Variants in PARD3B observed in about 807,000 individuals in gnomAD.
PARD3B encodes partitioning defective 3 homolog B.
In PARD3B, 103 loss-of-function variants were observed where a neutral mutation model predicts 130.2. The observed-to-expected ratio is 0.79, with a 90% CI of 0.67 to 0.93. The LOEUF (loss-of-function observed/expected upper bound fraction) is 0.93. PARD3B is among the 40% of genes least tolerant of loss of function. The pLI is 0.00. For synonymous variants in PARD3B, 583 were observed against 553.2 expected, an observed-to-expected ratio of 1.05 and a Z score of -0.76; for missense variants, 1,609 against 1,499.2, an observed-to-expected ratio of 1.07 and a Z score of -1.21.
At chr2:205,238,729 G>C (rs2039181315) in intron 15 of PARD3B, among the ~76,000 whole-genome samples, 1 of 149,048 alleles carries the variant, frequency 6.7e-6, no homozygotes, top group African/African-American at 2.5e-5. Context: ...ATACTTGGGA[G>C]GCTGAGGCAG....
intron 2 of PARD3B, among the ~76,000 whole-genome samples, chr2:204,951,764 AAAGC>A (rs1266305364): frequency 6.6e-6 from 1 of 152,222 alleles, no homozygotes; most frequent in Non-Finnish European, 1.5e-5. Context: ...ATGTGGTTAG[AAAGC>A]AAGCAGTCAT....
chr2:204,546,840 A>G (rs1217363663), intron 1 of PARD3B, among the ~76,000 whole-genome samples: 1 of 152,248 alleles, frequency 6.6e-6, no homozygotes, highest in Non-Finnish European at 1.5e-5. Flanking sequence ...ACAAGTATAA[A>G]TTAAGTGACA....
At chr2:204,641,831 G>A (rs987140262) in intron 1 of PARD3B, among the ~76,000 whole-genome samples, 2 of 152,154 alleles carry the variant, frequency 1.3e-5, no homozygotes, top group African/African-American at 4.8e-5. Flanking sequence ...AGAAATCAGT[G>A]TCTATTGTAC....
intron 19 of PARD3B, among the ~76,000 whole-genome samples, chr2:205,420,705 C>T (rs1003016330): frequency 3.3e-5 from 5 of 152,156 alleles, no homozygotes; most frequent in African/African-American, 1.2e-4. Context: ...GGGATGAATG[C>T]ATATTGGAAT....
intron 2 of PARD3B, among the ~76,000 whole-genome samples, chr2:204,947,988 T>C (rs1249870111): frequency 6.6e-6 from 1 of 152,232 alleles, no homozygotes; most frequent in Non-Finnish European, 1.5e-5. Flanking sequence ...GTATCAGGTC[T>C]CTACAGGTGT....
chr2:205,120,839 T>G (rs2030616722), intron 7 of PARD3B, among the ~76,000 whole-genome samples: 1 of 152,176 alleles, frequency 6.6e-6, no homozygotes, highest in South Asian at 2.1e-4. Flanking sequence ...ACGCCTTCAT[T>G]TATATCTTCT....
chr2:205,468,268 G>A (rs772419569), intron 20 of PARD3B, among the ~76,000 whole-genome samples: 22 of 152,170 alleles, frequency 1.4e-4, no homozygotes, highest in Admixed American at 2.0e-4. Flanking sequence ...ATACCAGTGC[G>A]ATTCTCATTT....
At chr2:204,881,651 G>C (rs1448495736) in intron 2 of PARD3B, among the ~76,000 whole-genome samples, 1 of 152,204 alleles carries the variant, frequency 6.6e-6, no homozygotes, top group Non-Finnish European at 1.5e-5. Flanking sequence ...CTGAGAAAGG[G>C]CTTCTTTGAA....
chr2:205,316,796 G>T (rs938508232), intron 18 of PARD3B, among the ~76,000 whole-genome samples: 7 of 152,016 alleles, frequency 4.6e-5, no homozygotes, highest in African/African-American at 1.7e-4. Context: ...AGGTAAAATG[G>T]AGAAATCTCT....
At chr2:205,508,180 C>T (rs996356334) in intron 21 of PARD3B, among the ~76,000 whole-genome samples, 2 of 152,130 alleles carry the variant, frequency 1.3e-5, no homozygotes, top group Admixed American at 6.5e-5. Context: ...TAGAGTTGCT[C>T]TGTTTATATC....
chr2:205,003,629 T>C (rs1396536294), intron 3 of PARD3B, among the ~76,000 whole-genome samples: 1 of 152,220 alleles, frequency 6.6e-6, no homozygotes, highest in Admixed American at 6.5e-5. Context: ...CCATAGCACG[T>C]ATCCACATCT....
At chr2:205,567,611 C>T (rs931597982) in intron 22 of PARD3B, among the ~76,000 whole-genome samples, 1 of 151,470 alleles carries the variant, frequency 6.6e-6, no homozygotes. Context: ...CATGAGCCAC[C>T]GCGCCCGGCC....
At chr2:205,454,827 C>T (rs971398484) in intron 20 of PARD3B, among the ~76,000 whole-genome samples, 5 of 152,152 alleles carry the variant, frequency 3.3e-5, no homozygotes, top group South Asian at 4.2e-4. Flanking sequence ...TCAGGTCACA[C>T]GCACACTTAA....
intron 4 of PARD3B, among the ~76,000 whole-genome samples, chr2:205,070,764 A>G (rs1700678289): frequency 6.6e-6 from 1 of 152,200 alleles, no homozygotes; most frequent in Non-Finnish European, 1.5e-5. Context: ...TACTTGAAAC[A>G]ATAGGTAATC....
In PARD3B at chr2:204,989,708, A is replaced by G. The variant is rs371233422; in HGVS notation, c.394+24385A>G. Among the ~76,000 whole-genome samples the G allele has an allele frequency of 1.5e-4, 23 of 152,204 alleles. 3 individuals are homozygous for G. The highest frequency in any genetic ancestry group is 1.2e-3 in the East Asian group (6 of 5,196). The stretch of plus-strand genomic sequence containing the variant: ...GATTTTGAGCTTTATAAATGGAAGT[A>G]TACTGAAAATTTTTTCTGTACCTTT... On this transcript the variant is annotated intron_variant, in intron 3 of 22. Transcript: ENST00000406610.
chr2:205,247,309 C>G (rs2039613167), intron 16 of PARD3B, among the ~76,000 whole-genome samples: 1 of 152,136 alleles, frequency 6.6e-6, no homozygotes, highest in South Asian at 2.1e-4. Flanking sequence ...AGAACTTTGT[C>G]ATCTTTGTAT....
chr2:204,712,740 A>T (rs72932111), intron 2 of PARD3B, among the ~76,000 whole-genome samples: 26 of 152,230 alleles, frequency 1.7e-4, no homozygotes, highest in Middle Eastern at 6.8e-3. Context: ...AAAATCATGT[A>T]TCATGTACTT....
intron 2 of PARD3B, among the ~76,000 whole-genome samples, chr2:204,923,060 C>T (rs1229561752): frequency 6.6e-6 from 1 of 151,960 alleles, no homozygotes; most frequent in African/African-American, 2.4e-5. Flanking sequence ...CCTCTGACTG[C>T]TTTGTGTTTA....
At chr2:205,324,997 A>C (rs866290788) in intron 18 of PARD3B, among the ~76,000 whole-genome samples, 3 of 152,164 alleles carry the variant, frequency 2.0e-5, no homozygotes, top group South Asian at 2.1e-4. Flanking sequence ...ATTCGTTACC[A>C]AGTTCCACAA....
Sources: allele counts gnomAD v4.1 joint callset (sites outside exome capture counted in the v4.1 genomes callset), GRCh38; gene constraint gnomAD v4.1.1; transcripts MANE v1.5; gene names NCBI Gene and HGNC (gene_info 2026-07-23, HGNC 2026-07-21).